Variants in TRIM9 observed in about 807,000 individuals in gnomAD.
TRIM9 encodes the protein E3 ubiquitin-protein ligase TRIM9.
TRIM9 carries 26 observed loss-of-function variants against 78.3 expected under a neutral mutation model. The observed-to-expected ratio is 0.33, with a 90% CI of 0.24 to 0.46. TRIM9 has a LOEUF of 0.46. TRIM9 is among the 20% of genes least tolerant of loss of function. The pLI is 1.00. For missense variants in TRIM9, 787 were observed against 1,036.4 expected (o/e 0.76, Z 3.30); for synonymous variants, 398 against 416.5 (o/e 0.96, Z 0.54).
rs188390764 is a variant in TRIM9, at chr14:51,022,471, C to G, written c.1041+364G>C. On this transcript the variant is annotated intron_variant, in intron 3 of 12. Transcript: ENST00000684578. Reference sequence around the variant, plus strand: ...ATATAATTCTATTATTTATAATCACCCAGTCTGTGGGATTCCGCTATATCA... The same window carrying G: ...ATATAATTCTATTATTTATAATCACGCAGTCTGTGGGATTCCGCTATATCA... 3.3e-5 allele frequency among the ~76,000 whole-genome samples: 5 copies of G among 152,268 alleles called. No individual in the cohort carries two copies. The East Asian group carries it at 9.6e-4, about 29-fold the overall frequency.
rs116081295 is a variant in TRIM9 at position 51,052,476 on chromosome 14, G to A, written c.823-27116C>T. ...CCCCTGGAGTTATTTATTTTTGGCT[G>A]TTGTTGCTATTAGCGTCATTTAATT... On this transcript the variant is annotated intron_variant, in intron 1 of 12. Transcript: ENST00000684578. Among the ~76,000 whole-genome samples, 1,201 of 152,302 alleles carry A rather than the reference G, an allele frequency of 7.9e-3. 27 individuals are homozygous for A. The highest frequency in any genetic ancestry group is 0.027 in the African/African-American group (1,136 of 41,556).
chr14:51,031,707 C>T (rs1001339929), intron 1 of TRIM9, among the ~76,000 whole-genome samples: 5 of 152,026 alleles, frequency 3.3e-5, no homozygotes. Flanking sequence ...AAAATCTTTC[C>T]TTACCACTTT....
In TRIM9 at chr14:51,009,134, C is replaced by A; in HGVS notation, c.1252G>T (p.Asp418Tyr). The change falls in exon 5 of 13, where the codon GAC (aspartate) becomes TAC (tyrosine). Residue 418 changes from aspartate (D) to tyrosine (Y), a missense_variant. Around this residue, in one of 3 missense-constraint regions of TRIM9, gnomAD observed 421 missense variants for 514.3 expected, o/e 0.82. Transcript: ENST00000684578. The stretch of plus-strand genomic sequence containing the variant: ...ATGGATTGCAGCAGAGGGCTGTTGT[C>A]CAGACTCAAGTCAAAGTCCGTGGTC... Reference protein sequence around the residue: ...RMTTDFDLSLDNSPLLQSIHQ... With the variant: ...RMTTDFDLSLYNSPLLQSIHQ... 4 of 1,614,072 alleles carry A rather than the reference C, an allele frequency of 2.5e-6. No individual in the cohort carries two copies. Among genetic ancestry groups the A allele is most frequent in the Non-Finnish European group, 3.4e-6 (4 of 1,179,960 alleles).
chr14:50,977,415 G>C, intron 12 of TRIM9, 62 bp from the exon 13 acceptor site: 1 of 1,289,898 alleles, frequency 7.8e-7, no homozygotes, highest in South Asian at 2.0e-5. Context: ...TTTACACAGT[G>C]TACCGTGGGT....
At chr14:50,990,419 G>C (rs903271284) in intron 7 of TRIM9, among the ~76,000 whole-genome samples, 1 of 152,180 alleles carries the variant, frequency 6.6e-6, no homozygotes, top group Non-Finnish European at 1.5e-5. Flanking sequence ...AAGTTGGCAG[G>C]AGACTCAACC....
At chr14:51,093,805 C>G (rs1001708608) in intron 1 of TRIM9, among the ~76,000 whole-genome samples, 4 of 152,224 alleles carry the variant, frequency 2.6e-5, no homozygotes, top group Admixed American at 6.5e-5. Context: ...TTCCCACACA[C>G]TGGCCGCGGC....
Position 50,979,171 on chromosome 14 carries a change from A to T in TRIM9, c.2325+216T>A, listed in dbSNP as rs1404852681. 8 of 1,436,796 alleles carry T rather than the reference A, an allele frequency of 5.6e-6. No individual in the cohort carries two copies. The East Asian group carries it at 2.0e-4, about 36-fold the overall frequency. The allele number at this position is 1,436,796 out of a possible 1,614,324, so 89.0% of individuals were successfully genotyped here. A position where few individuals can be genotyped will look rare whatever the true frequency, so the allele number is the denominator to read the frequency against. ...GAATTCTAGTTTCCTATGTGCTATT[A>T]ACTAGTCTGCGTCCAAGTATAAAGA... On this transcript the variant is annotated intron_variant, in intron 12 of 12. Transcript: ENST00000684578.
intron 1 of TRIM9, among the ~76,000 whole-genome samples, chr14:51,067,666 T>C (rs2140207314): frequency 6.6e-6 from 1 of 152,146 alleles, no homozygotes; most frequent in East Asian, 1.9e-4. Context: ...CGGCTGGCCC[T>C]TCCTGCAGAT....
intron 4 of TRIM9, among the ~76,000 whole-genome samples, 186 bp downstream of exon 4, chr14:51,010,198 A>G (rs1167378573): frequency 1.3e-5 from 2 of 152,090 alleles, no homozygotes; most frequent in Non-Finnish European, 2.9e-5. Context: ...ATGGTGCCAG[A>G]GACTTCCGGG....
intron 7 of TRIM9, chr14:50,997,429 G>C (rs1050925632): frequency 2.0e-6 from 2 of 985,266 alleles, no homozygotes; most frequent in Non-Finnish European, 2.4e-6. Context: ...CGAAGTTGCT[G>C]GTCTCTTCCT....
chr14:51,028,363 C>T (rs1262792081), intron 1 of TRIM9, among the ~76,000 whole-genome samples: 1 of 152,144 alleles, frequency 6.6e-6, no homozygotes, highest in African/African-American at 2.4e-5. Flanking sequence ...CTAGAAAGTG[C>T]TCTTATTGTA....
chr14:51,007,816 A>G (rs1449319077), intron 5 of TRIM9, among the ~76,000 whole-genome samples: 2 of 143,850 alleles, frequency 1.4e-5, no homozygotes, highest in Non-Finnish European at 3.1e-5. Context: ...AAAAAAAAAA[A>G]AGGACAAAAT....
chr14:51,048,573 T>C (rs1596263730), intron 1 of TRIM9, among the ~76,000 whole-genome samples: 1 of 12,950 alleles, frequency 7.7e-5, no homozygotes, highest in Non-Finnish European at 1.8e-4. Flanking sequence ...CTGGGGATCC[T>C]AGGCACATAA....
intron 1 of TRIM9, among the ~76,000 whole-genome samples, chr14:51,074,660 A>C (rs1453280096): frequency 6.6e-6 from 1 of 152,218 alleles, no homozygotes; most frequent in Non-Finnish European, 1.5e-5. Flanking sequence ...AGGAAATGAC[A>C]ATGAGTGTGG....
intron 1 of TRIM9, chr14:51,091,309 A>G (rs186196812): frequency 1.1e-3 from 163 of 152,322 alleles, no homozygotes; most frequent in Admixed American, 4.5e-3. Context: ...GTGTAAGATG[A>G]TGATTTATGC....
intron 6 of TRIM9, among the ~76,000 whole-genome samples, chr14:50,999,380 A>T (rs1474539295): frequency 6.6e-6 from 1 of 151,444 alleles, no homozygotes; most frequent in African/African-American, 2.4e-5. Context: ...ACACACACAC[A>T]CTCTCACACA....
intron 1 of TRIM9, among the ~76,000 whole-genome samples, chr14:51,028,697 G>C (rs2058466555): frequency 6.6e-6 from 1 of 152,188 alleles, no homozygotes; most frequent in Non-Finnish European, 1.5e-5. Context: ...TTGGATATTT[G>C]TTTTCTAGGT....
chr14:50,991,342 T>G (rs2053484337), intron 7 of TRIM9, among the ~76,000 whole-genome samples: 1 of 152,154 alleles, frequency 6.6e-6, no homozygotes, highest in African/African-American at 2.4e-5. Context: ...GTGTCAAAAT[T>G]TAAAAGAACA....
chr14:51,037,832 C>T (rs1405717196), intron 1 of TRIM9, among the ~76,000 whole-genome samples: 1 of 151,996 alleles, frequency 6.6e-6, no homozygotes. Context: ...ATTCCTTAGC[C>T]TGCAGGACGC....
Sources: gnomAD v4.1 joint callset for allele counts (sites outside exome capture counted in the v4.1 genomes callset) on GRCh38, gnomAD v4.1.1 for gene constraint, gnomAD v4.1.1 regional missense constraint, MANE v1.5 for transcripts, NCBI Gene and HGNC (gene_info 2026-07-23, HGNC 2026-07-21) for gene names.